LRRC8E: variants seen among roughly 807,000 people sequenced by gnomAD.
LRRC8E encodes leucine rich repeat containing 8 VRAC subunit E, also known as volume-regulated anion channel subunit LRRC8E.
Under a neutral mutation model 6.1 loss-of-function variants are expected in LRRC8E, and 6 were observed. The observed-to-expected ratio is 0.98, with a 90% CI of 0.54 to 1.93. The LOEUF is 1.93. Among genes scored for constraint, LRRC8E ranks in the 30% most tolerant of loss-of-function variants. The pLI is 0.01. For missense variants in LRRC8E, 1,028 were observed against 1,031.4 expected (o/e 1.00, Z 0.04); for synonymous variants, 485 against 472.8 (o/e 1.03, Z -0.33).
chr19:7,900,114 T>C lies in LRRC8E; in HGVS notation c.1592T>C (p.Leu531Pro), dbSNP rs760198251. 209 of 1,612,656 alleles carry C rather than the reference T, an allele frequency of 1.3e-4. No homozygotes were observed. The highest frequency in any genetic ancestry group is 1.7e-4 in the Non-Finnish European group (204 of 1,180,016). Reference protein sequence around the residue: ...ELARAATLESLRELKQLKVLS... With the variant: ...ELARAATLESPRELKQLKVLS... ...GCTCGGGCAGCCACCCTGGAGAGCC[T>C]CCGGGAGCTGAAGCAGCTCAAGGTG... is the stretch of plus-strand genomic sequence containing the variant. The change falls in exon 3 of 3, where the codon CTC (leucine) becomes CCC (proline). Residue 531 changes from leucine to proline, a missense_variant. Coordinates refer to ENST00000306708, the MANE Select transcript of LRRC8E (RefSeq NM_025061.6). This position sits in a 1 kb window ranked among gnomAD's most constrained non-coding sequence, Gnocchi z 5.0.
chr19:7,900,010 C>T lies in LRRC8E; in HGVS notation c.1488C>T (p.Leu496=). 3 of 1,609,376 alleles carry T rather than the reference C, an allele frequency of 1.9e-6. No individual in the cohort carries two copies. Among genetic ancestry groups the T allele is most frequent in the Non-Finnish European group, 2.5e-6 (3 of 1,179,230 alleles). Residue 496 remains leucine (L), a synonymous_variant, in exon 3 of 3, where the codon CTC becomes CTT. Coordinates refer to ENST00000306708, the MANE Select transcript of LRRC8E (RefSeq NM_025061.6). The surrounding 1 kb of genome is among the most constrained non-coding windows in gnomAD (Gnocchi z 5.0). ...TGATGCGCGTCAAATGCGAGGAGCT[C>T]CGCGAGGTGCCGCTTTGGGTGTTTG... ...LKVMRVKCEE[L]REVPLWVFGL...
At chr19:7,897,831 A>T (rs1475729633) in intron 2 of LRRC8E, among the ~76,000 whole-genome samples, 1 of 152,046 alleles carries the variant, frequency 6.6e-6, no homozygotes, top group African/African-American at 2.4e-5. Context: ...CCCAGCTCAA[A>T]TAATACCACA....
At chr19:7,898,067 A>G (rs1341896913) in intron 2 of LRRC8E, among the ~76,000 whole-genome samples, 2 of 152,064 alleles carry the variant, frequency 1.3e-5, no homozygotes, top group East Asian at 3.9e-4. Flanking sequence ...AAAATTAGCT[A>G]GGCGTGGTAG....
Position 7,899,963 on chromosome 19 carries a change from T to G in LRRC8E, c.1441T>G (p.Phe481Val). ...CAGGCTACCCTTCTCCTTGCAGGTCTTCCTGCGGGACCACCTGAAGGTGAT... is the reference window on the plus strand; with the variant it reads ...CAGGCTACCCTTCTCCTTGCAGGTCGTCCTGCGGGACCACCTGAAGGTGAT... ...PARLPFSLQV[F>V]LRDHLKVMRV... Residue 481 changes from phenylalanine to valine, a missense_variant, in exon 3 of 3, where the codon TTC (phenylalanine) becomes GTC (valine). Coordinates refer to ENST00000306708, the MANE Select transcript of LRRC8E (RefSeq NM_025061.6). 1 of 1,609,550 alleles carries G rather than the reference T, an allele frequency of 6.2e-7. No individual in the cohort carries two copies. Among genetic ancestry groups the G allele is most frequent in the Non-Finnish European group, 8.5e-7 (1 of 1,179,856 alleles).
Position 7,898,578 on chromosome 19 carries a change from C to G in LRRC8E, c.139-83C>G. On this transcript the variant is annotated intron_variant, in intron 2 of 2. Coordinates refer to ENST00000306708, the MANE Select transcript of LRRC8E (RefSeq NM_025061.6). ...TTCACCACGTTGGCCAGGCTGGTCTCGAACTCCTGACCTAAAGTGATCCAC... is the reference window on the plus strand; with the variant it reads ...TTCACCACGTTGGCCAGGCTGGTCTGGAACTCCTGACCTAAAGTGATCCAC... The G allele has an allele frequency of 3.1e-6, 4 of 1,277,260 alleles. No individual in the cohort carries two copies. The South Asian group carries it at 5.8e-5, about 18-fold the overall frequency. The allele number at this position is 1,277,260 out of a possible 1,614,324, so 79.1% of individuals were successfully genotyped here. A position where few individuals can be genotyped will look rare whatever the true frequency, so the allele number is the denominator to read the frequency against.
intron 1 of LRRC8E, among the ~76,000 whole-genome samples, chr19:7,891,388 C>T (rs995919568): frequency 6.6e-6 from 1 of 152,126 alleles, no homozygotes; most frequent in Non-Finnish European, 1.5e-5. Context: ...GTCATGGAGA[C>T]AGATAATGAT....
intron 1 of LRRC8E, among the ~76,000 whole-genome samples, chr19:7,893,326 A>G (rs1298841287): frequency 6.6e-6 from 1 of 151,896 alleles, no homozygotes; most frequent in East Asian, 1.9e-4. Flanking sequence ...TTTTTAATAG[A>G]GACGGAGTTT....
At chr19:7,892,712 G>A (rs1191587344) in intron 1 of LRRC8E, among the ~76,000 whole-genome samples, 1 of 152,188 alleles carries the variant, frequency 6.6e-6, no homozygotes, top group Non-Finnish European at 1.5e-5. Context: ...TTTGGTGGGT[G>A]CAATGTACAT....
chr19:7,899,270 A>G lies in LRRC8E; in HGVS notation c.748A>G (p.Ile250Val), dbSNP rs1436309916. 6.2e-7 allele frequency: 1 copy of G among 1,614,260 alleles called. No individual in the cohort carries two copies. Among genetic ancestry groups the G allele is most frequent in the Non-Finnish European group, 8.5e-7 (1 of 1,180,048 alleles). ...CCGCATGCACGTGGAAGAGGGCGAC[A>G]TCCTGTACACCATGTACATCCGACA... ...KFRMHVEEGD[I>V]LYTMYIRQTV... is the part of the protein sequence containing the mutation. The change falls in exon 3 of 3, where the codon ATC becomes GTC. Residue 250 changes from isoleucine to valine, a missense_variant. Ile to Val is a conservative substitution (Grantham distance 29). Coordinates refer to ENST00000306708, the MANE Select transcript of LRRC8E (RefSeq NM_025061.6).
intron 2 of LRRC8E, among the ~76,000 whole-genome samples, chr19:7,898,361 T>A (rs181148740): frequency 1.2e-4 from 19 of 152,186 alleles, no homozygotes; most frequent in East Asian, 1.9e-4. Flanking sequence ...CTCTCTTTTT[T>A]AAATTAATTT....
Position 7,900,024 on chromosome 19 carries a change from T to G in LRRC8E, c.1502T>G (p.Leu501Arg). ...TGCGAGGAGCTCCGCGAGGTGCCGC[T>G]TTGGGTGTTTGGGCTGCGGGGCTTG... ...VKCEELREVP[L>R]WVFGLRGLEE... is the part of the protein sequence containing the mutation. The change falls in exon 3 of 3, where the codon CTT (leucine) becomes CGT (arginine). Residue 501 changes from leucine (L) to arginine (R), a missense_variant. Transcript: ENST00000306708. The surrounding 1 kb of genome is among the most constrained non-coding windows in gnomAD (Gnocchi z 5.0). 2.5e-6 allele frequency: 4 copies of G among 1,610,532 alleles called. No individual in the cohort carries two copies. In the South Asian group the frequency reaches 4.4e-5, roughly 18 times the overall value.
At chr19:7,890,638 A>C (rs1568261621) in intron 1 of LRRC8E, among the ~76,000 whole-genome samples, 1 of 151,862 alleles carries the variant, frequency 6.6e-6, no homozygotes, top group African/African-American at 2.4e-5. Flanking sequence ...AATTACAAAA[A>C]ATTAGCCGGG....
In LRRC8E at chr19:7,895,561, G is replaced by T; in HGVS notation, c.-5-38G>T. The T allele has an allele frequency of 6.3e-7, 1 of 1,594,428 alleles. No homozygotes were observed. Among genetic ancestry groups the T allele is most frequent in the South Asian group, 1.1e-5 (1 of 90,468 alleles). On this transcript the variant is annotated intron_variant, in intron 1 of 2. Transcript: ENST00000306708. This position sits in a 1 kb window ranked among gnomAD's most constrained non-coding sequence, Gnocchi z 4.7. ...CCCTGCAGAGCCTCCCATCCTGAGG[G>T]TCTCTCTCTACACCCCCCGTCTCGT...
At position 7,899,305 on chromosome 19, in the gene LRRC8E, G is replaced by C. The variant is rs986124109; in HGVS notation, c.783G>C (p.Leu261=). 1.9e-6 allele frequency: 3 copies of C among 1,614,230 alleles called. No individual in the cohort carries two copies. The highest frequency in any genetic ancestry group is 2.5e-6 in the Non-Finnish European group (3 of 1,180,046). Residue 261 remains leucine, a synonymous_variant, in exon 3 of 3, where the codon CTG becomes CTC. Transcript: ENST00000306708. ...LYTMYIRQTV[L]KVCKFLAILV... ...CCATGTACATCCGACAGACGGTGCT[G>C]AAAGTGTGTAAGTTCCTGGCCATCC...
chr19:7,899,296 G>C lies in LRRC8E; in HGVS notation c.774G>C (p.Gln258His). The C allele has an allele frequency of 6.2e-7, 1 of 1,614,250 alleles. No individual in the cohort carries two copies. Among genetic ancestry groups the C allele is most frequent in the Non-Finnish European group, 8.5e-7 (1 of 1,180,054 alleles). The change falls in exon 3 of 3, where the codon CAG (glutamine) becomes CAC (histidine). Residue 258 changes from glutamine to histidine, a missense_variant. By Grantham distance (24) the Gln-to-His change is conservative. Coordinates refer to ENST00000306708, the MANE Select transcript of LRRC8E (RefSeq NM_025061.6). Reference sequence around the variant, plus strand: ...TCCTGTACACCATGTACATCCGACAGACGGTGCTGAAAGTGTGTAAGTTCC... The same window carrying C: ...TCCTGTACACCATGTACATCCGACACACGGTGCTGAAAGTGTGTAAGTTCC... ...GDILYTMYIRQTVLKVCKFLA... is the reference protein window; with the variant it reads ...GDILYTMYIRHTVLKVCKFLA...
intron 2 of LRRC8E, among the ~76,000 whole-genome samples, chr19:7,897,017 G>A (rs574535141): frequency 1.3e-5 from 2 of 152,250 alleles, no homozygotes; most frequent in South Asian, 4.1e-4. Flanking sequence ...AACCAGAAAT[G>A]TTTCCTCTTC....
chr19:7,893,546 CT>C (rs35670479), intron 1 of LRRC8E: 53,681 of 140,306 alleles, frequency 0.38, 10,409 homozygotes, highest in South Asian at 0.48. Context: ...GAACCCATGA[CT>C]TTTTTTTTTT....
At position 7,895,390 on chromosome 19, in the gene LRRC8E, G is replaced by A. The variant is rs747559937; in HGVS notation, c.-5-209G>A. On this transcript the variant is annotated intron_variant, in intron 1 of 2. Transcript: ENST00000306708. The surrounding 1 kb of genome is among the most constrained non-coding windows in gnomAD (Gnocchi z 4.7). ...GGGTGCCCAGAGGGGAACAGTGGCCGCTTGGTTCTGGGCAGGTGGTGACGT... is the reference window on the plus strand; with the variant it reads ...GGGTGCCCAGAGGGGAACAGTGGCCACTTGGTTCTGGGCAGGTGGTGACGT... The A allele has an allele frequency of 2.7e-4, 155 of 576,332 alleles. No homozygotes were observed. Among genetic ancestry groups the A allele is most frequent in the Non-Finnish European group, 4.1e-4 (133 of 323,680 alleles). The allele number at this position is 576,332 out of a possible 1,614,324, so 35.7% of individuals were successfully genotyped here. A position where few individuals can be genotyped will look rare whatever the true frequency, so the allele number is the denominator to read the frequency against.
chr19:7,890,480 T>A (rs1275477903), intron 1 of LRRC8E, among the ~76,000 whole-genome samples: 1 of 150,400 alleles, frequency 6.6e-6, no homozygotes, highest in African/African-American at 2.4e-5. Context: ...AACTTCCACC[T>A]CCTGGGTTCA....
Sources: allele counts gnomAD v4.1 joint callset (sites outside exome capture counted in the v4.1 genomes callset), GRCh38; gene constraint gnomAD v4.1.1; non-coding constraint Gnocchi (gnomAD v3.1); transcripts MANE v1.5; gene names NCBI Gene and HGNC (gene_info 2026-07-23, HGNC 2026-07-21).